DGKB: variants seen among roughly 807,000 people sequenced by gnomAD.
DGKB encodes diacylglycerol kinase beta, also known as 90 kDa diacylglycerol kinase.
A neutral mutation model predicts 114.3 loss-of-function variants in DGKB; 67 were observed. That is an observed-to-expected ratio of 0.59 (90% confidence interval 0.48 to 0.72). The LOEUF is 0.72. DGKB is among the 30% of genes least tolerant of loss of function. The probability of loss-of-function intolerance (pLI) is 0.00; values close to 1 mark genes in which losing one functional copy is unlikely to be tolerated. For missense variants in DGKB, 907 were observed against 975.2 expected, an observed-to-expected ratio of 0.93 and a Z score of 0.93; for synonymous variants, 398 against 323.1, an observed-to-expected ratio of 1.23 and a Z score of -2.49.
At chr7:14,805,670 T>C (rs1360776522) in intron 2 of DGKB, among the ~76,000 whole-genome samples, 2 of 151,714 alleles carry the variant, frequency 1.3e-5, no homozygotes, top group Non-Finnish European at 2.9e-5. Context: ...CTTTAGAGAA[T>C]TTTTTTTCCT....
chr7:14,642,420 A>C (rs1213895250), intron 13 of DGKB, among the ~76,000 whole-genome samples: 1 of 152,136 alleles, frequency 6.6e-6, no homozygotes, highest in Non-Finnish European at 1.5e-5. Context: ...TAATACCAAA[A>C]GGCACTTGGG....
At chr7:14,815,989 T>G (rs1261018310) in intron 2 of DGKB, among the ~76,000 whole-genome samples, 1 of 152,182 alleles carries the variant, frequency 6.6e-6, no homozygotes, top group Non-Finnish European at 1.5e-5. Flanking sequence ...TAGGCATTGC[T>G]ATATTTTATC....
At chr7:14,520,953 A>G (rs1362851579) in intron 20 of DGKB, among the ~76,000 whole-genome samples, 1 of 152,052 alleles carries the variant, frequency 6.6e-6, no homozygotes, top group Non-Finnish European at 1.5e-5. Context: ...TCATCATTAG[A>G]CCATAATATT....
intron 23 of DGKB, among the ~76,000 whole-genome samples, chr7:14,231,082 CCTTTCTTT>C (rs201778587): frequency 0.1 from 12,730 of 121,324 alleles, 736 homozygotes; most frequent in East Asian, 0.14. Flanking sequence ...TTCTTCTTTC[CCTTTCTTT>C]CTTTCTTTCT....
intron 2 of DGKB, among the ~76,000 whole-genome samples, chr7:14,805,892 T>A (rs574041379): frequency 7.4e-4 from 112 of 150,446 alleles, no homozygotes; most frequent in African/African-American, 2.4e-3. Context: ...AAAATATATT[T>A]TATATTTATA....
chr7:14,375,114 G>A (rs1237206587), intron 21 of DGKB, among the ~76,000 whole-genome samples: 4 of 151,776 alleles, frequency 2.6e-5, no homozygotes, highest in Admixed American at 1.3e-4. Context: ...CCCTCTCTCC[G>A]CCTCCCACAG....
chr7:14,908,996 T>C (rs1783849147), intron 1 of DGKB, among the ~76,000 whole-genome samples: 1 of 150,054 alleles, frequency 6.7e-6, no homozygotes, highest in African/African-American at 2.4e-5. Flanking sequence ...TTCAATTAAC[T>C]TTCTCAGTCT....
intron 21 of DGKB, among the ~76,000 whole-genome samples, chr7:14,439,983 A>G (rs1829849403): frequency 6.6e-6 from 1 of 152,108 alleles, no homozygotes; most frequent in Non-Finnish European, 1.5e-5. Flanking sequence ...ACAAGACTGA[A>G]TGAAGGAGGA....
intron 13 of DGKB, among the ~76,000 whole-genome samples, chr7:14,661,502 G>A (rs1305194385): frequency 6.8e-6 from 1 of 146,686 alleles, no homozygotes; most frequent in Non-Finnish European, 1.5e-5. Context: ...AAACCACAAT[G>A]AGATACCATC....
At chr7:14,231,123 C>CTTTCTT (rs1791743645) in intron 23 of DGKB, among the ~76,000 whole-genome samples, 1 of 124,208 alleles carries the variant, frequency 8.1e-6, no homozygotes, top group African/African-American at 3.2e-5. Context: ...TTCTTTCTTT[C>CTTTCTT]TTTCTTTCTT....
intron 3 of DGKB, among the ~76,000 whole-genome samples, chr7:14,754,961 G>T (rs1834658028): frequency 6.6e-6 from 1 of 152,082 alleles, no homozygotes; most frequent in Non-Finnish European, 1.5e-5. Flanking sequence ...CCTTAAACTG[G>T]GATTCTAGTC....
At chr7:14,809,354 A>C (rs1000242870) in intron 2 of DGKB, among the ~76,000 whole-genome samples, 6 of 152,104 alleles carry the variant, frequency 3.9e-5, no homozygotes, top group Non-Finnish European at 8.8e-5. Flanking sequence ...AATAGAGGCC[A>C]TGTTTTCAAG....
At chr7:14,718,009 T>G (rs890746255) in intron 6 of DGKB, among the ~76,000 whole-genome samples, 1 of 152,228 alleles carries the variant, frequency 6.6e-6, no homozygotes, top group Non-Finnish European at 1.5e-5. Context: ...GAAACAAAGC[T>G]ATTGTTTAAT....
At chr7:14,877,243 C>A (rs1449439859) in intron 1 of DGKB, among the ~76,000 whole-genome samples, 1 of 152,136 alleles carries the variant, frequency 6.6e-6, no homozygotes, top group Non-Finnish European at 1.5e-5. Flanking sequence ...TGGTCTCATT[C>A]TTACTTAAAT....
chr7:14,710,776 T>C (rs1827230780), intron 6 of DGKB, among the ~76,000 whole-genome samples: 1 of 152,154 alleles, frequency 6.6e-6, no homozygotes, highest in South Asian at 2.1e-4. Context: ...TTCTTCTTTA[T>C]TCTCTTAATG....
At chr7:14,317,370 G>A (rs1307668058) in intron 23 of DGKB, among the ~76,000 whole-genome samples, 1 of 138,450 alleles carries the variant, frequency 7.2e-6, no homozygotes, top group Admixed American at 7.2e-5. Flanking sequence ...CGACATGATT[G>A]TATATCTAGA....
intron 23 of DGKB, among the ~76,000 whole-genome samples, chr7:14,330,435 C>T (rs1158920299): frequency 6.6e-6 from 1 of 151,894 alleles, no homozygotes; most frequent in Non-Finnish European, 1.5e-5. Context: ...AATTGATGAT[C>T]AATGGTGATG....
At chr7:14,522,923 T>C (rs1186666986) in intron 20 of DGKB, among the ~76,000 whole-genome samples, 6 of 152,138 alleles carry the variant, frequency 3.9e-5, no homozygotes, top group Non-Finnish European at 7.4e-5. Flanking sequence ...CAAGAAAGCA[T>C]ACGGAATTGG....
rs1781448012 is a variant in DGKB at position 14,146,113 on chromosome 7, T to C, written c.*3018A>G. ...GTTTTAAAATGTTAATTTTTAAACT[T>C]CCTGCAAGATATCTCCTTCCACCAC... On this transcript the variant is annotated 3_prime_UTR_variant, in exon 26 of 26. Transcript: ENST00000402815. 1 of 152,236 alleles carries C rather than the reference T, an allele frequency of 6.6e-6. No individual in the cohort carries two copies. Among genetic ancestry groups the C allele is most frequent in the African/African-American group, 2.4e-5 (1 of 41,448 alleles). 9.4% of individuals were successfully genotyped at this position (152,236 alleles called of 1,614,324 possible).
Sources: allele counts gnomAD v4.1 joint callset (sites outside exome capture counted in the v4.1 genomes callset), GRCh38; gene constraint gnomAD v4.1.1; transcripts MANE v1.5; gene names NCBI Gene and HGNC (gene_info 2026-07-23, HGNC 2026-07-21).